SH2D5: variants seen among roughly 807,000 people sequenced by gnomAD.
SH2D5 encodes SH2 domain-containing protein 5.
SH2D5 carries 45 observed loss-of-function variants against 48.2 expected under a neutral mutation model. The ratio of observed to expected loss-of-function variants is 0.93; its 90% CI spans 0.73 to 1.20. SH2D5 has a LOEUF of 1.20. Among genes scored for constraint, SH2D5 ranks in the 50% most tolerant of loss-of-function variants. The probability of loss-of-function intolerance (pLI) is 0.00; values close to 1 mark genes in which losing one functional copy is unlikely to be tolerated. For synonymous variants in SH2D5, 230 were observed against 249.8 expected (o/e 0.92, Z 0.75); for missense variants, 538 against 584.1 (o/e 0.92, Z 0.81).
rs553038504 is a variant in SH2D5, at chr1:20,729,691, A to G, written c.-42-1605T>C. On this transcript the variant is annotated intron_variant, in intron 1 of 9. Transcript: ENST00000444387. This position sits in a 1 kb window ranked among gnomAD's most constrained non-coding sequence, Gnocchi z 4.2. ...GTCCCGGGTGTGCTCCCACTCAAGG[A>G]GGAGGGCTGGGGTGCTTTGGAACTG... Among the ~76,000 whole-genome samples, 2 of 151,776 alleles carry G rather than the reference A, an allele frequency of 1.3e-5. No homozygotes were observed. Among genetic ancestry groups the G allele is most frequent in the South Asian group, 2.1e-4 (1 of 4,818 alleles).
chr1:20,726,164 G>A (rs1178438336), intron 4 of SH2D5, 98 bp from the exon 5 acceptor site: 1 of 1,400,014 alleles, frequency 7.1e-7, no homozygotes, highest in East Asian at 2.5e-5. Flanking sequence ...CCTCCTTCCA[G>A]GCCCGCCCAG....
At chr1:20,730,032 G>C (rs1351924755) in intron 1 of SH2D5, among the ~76,000 whole-genome samples, 1 of 152,212 alleles carries the variant, frequency 6.6e-6, no homozygotes, top group Non-Finnish European at 1.5e-5. Flanking sequence ...ACATGACATT[G>C]CTTCCAGGTA....
chr1:20,727,429 C>G (rs1004657127), intron 3 of SH2D5, 94 bp downstream of exon 3: 2 of 1,242,488 alleles, frequency 1.6e-6, no homozygotes, highest in Admixed American at 2.0e-5. Context: ...TCCTGCCCCT[C>G]TCTAACTGTG....
chr1:20,727,204 G>C lies in SH2D5; in HGVS notation c.169-129C>G. Reference sequence around the variant, plus strand: ...ACCCCTGGCAGGGGGTGGGGCCCTGGCTGGTGGACCCCCCTGGCGCTGGGG... The same window carrying C: ...ACCCCTGGCAGGGGGTGGGGCCCTGCCTGGTGGACCCCCCTGGCGCTGGGG... On this transcript the variant is annotated intron_variant, in intron 3 of 9. Coordinates refer to ENST00000444387, the MANE Select transcript of SH2D5 (RefSeq NM_001103161.2). 2.6e-6 allele frequency: 2 copies of C among 776,000 alleles called. 1 individual carries two copies. Among genetic ancestry groups the C allele is most frequent in the Non-Finnish European group, 4.1e-6 (2 of 493,782 alleles). The allele number at this position is 776,000 out of a possible 1,614,324, so 48.1% of individuals were successfully genotyped here. A position where few individuals can be genotyped will look rare whatever the true frequency, so the allele number is the denominator to read the frequency against.
intron 2 of SH2D5, 118 bp downstream of exon 2, chr1:20,727,840 A>C (rs2054832270): frequency 1.0e-6 from 1 of 966,158 alleles, no homozygotes; most frequent in Non-Finnish European, 1.6e-6. Context: ...TCCCCAGCCC[A>C]AGTCAGGCAA....
At chr1:20,724,763 C>T in intron 5 of SH2D5, 128 bp from the exon 6 acceptor site, 1 of 1,181,782 alleles carries the variant, frequency 8.5e-7, no homozygotes, top group Middle Eastern at 2.9e-4. Flanking sequence ...TCCCATTCTT[C>T]CTGGGAAAGC....
chr1:20,722,673 T>G, intron 9 of SH2D5, 83 bp downstream of exon 9: 1 of 1,336,740 alleles, frequency 7.5e-7, no homozygotes, highest in Non-Finnish European at 9.8e-7. Context: ...ACCTCAGCAG[T>G]TAGAAAAGGG....
At chr1:20,724,875 G>A (rs899317944) in intron 5 of SH2D5, among the ~76,000 whole-genome samples, 12 of 152,328 alleles carry the variant, frequency 7.9e-5, no homozygotes, top group Admixed American at 5.9e-4. Flanking sequence ...CAGGCATCAC[G>A]CTTGGAGCAG....
rs927104859 is a variant in SH2D5 at position 20,729,175 on chromosome 1, G to T, written c.-42-1089C>A. Among the ~76,000 whole-genome samples the T allele has an allele frequency of 8.5e-5, 13 of 152,192 alleles. No homozygotes were observed. Among genetic ancestry groups the T allele is most frequent in the Non-Finnish European group, 1.8e-4 (12 of 68,046 alleles). ...CATGAGAGCCCAGGACACAGCTGGT[G>T]TTCAATTAATGTGGAATTAACATAT... On this transcript the variant is annotated intron_variant, in intron 1 of 9. Coordinates refer to ENST00000444387, the MANE Select transcript of SH2D5 (RefSeq NM_001103161.2). This position sits in a 1 kb window ranked among gnomAD's most constrained non-coding sequence, Gnocchi z 4.2.
intron 8 of SH2D5, among the ~76,000 whole-genome samples, chr1:20,723,411 C>G (rs1251603775): frequency 6.6e-6 from 1 of 152,190 alleles, no homozygotes; most frequent in Non-Finnish European, 1.5e-5. Context: ...CTCATTTGAC[C>G]CTCTCCACAG....
intron 5 of SH2D5, among the ~76,000 whole-genome samples, chr1:20,725,695 G>A (rs973078445): frequency 2.0e-4 from 31 of 152,202 alleles, no homozygotes; most frequent in Admixed American, 6.5e-4. Flanking sequence ...CTCTCTAAGC[G>A]CGTGGCCAGA....
chr1:20,723,980 C>T, intron 7 of SH2D5, 103 bp downstream of exon 7: 2 of 1,448,268 alleles, frequency 1.4e-6, no homozygotes, highest in South Asian at 1.3e-5. Context: ...GGTGCGGCCA[C>T]AGCCTTGCAG....
chr1:20,727,192 G>T, intron 3 of SH2D5, 117 bp from the exon 4 acceptor site: 2 of 877,030 alleles, frequency 2.3e-6, no homozygotes, highest in Non-Finnish European at 3.4e-6. Flanking sequence ...CCTGGCAGGG[G>T]GTGGGGCCCT....
rs1029437093 is a variant in SH2D5 at position 20,720,522 on chromosome 1, G to A, written c.*1270C>T. On this transcript the variant is annotated 3_prime_UTR_variant, in exon 10 of 10. Coordinates refer to ENST00000444387, the MANE Select transcript of SH2D5 (RefSeq NM_001103161.2). ...GTTCTGTCCCACTCCCAGACGGGGA[G>A]AGGGCAGCCCCCAGGCTCATGACGT... 6.6e-6 allele frequency: 1 copy of A among 152,298 alleles called. No homozygotes were observed. Among genetic ancestry groups the A allele is most frequent in the African/African-American group, 2.4e-5 (1 of 41,476 alleles). 9.4% of individuals were successfully genotyped at this position (152,298 alleles called of 1,614,324 possible).
intron 8 of SH2D5, among the ~76,000 whole-genome samples, chr1:20,723,297 A>G (rs2054725421): frequency 1.3e-5 from 2 of 152,232 alleles, no homozygotes; most frequent in Non-Finnish European, 1.5e-5. Flanking sequence ...AGAGTCTGTA[A>G]TTGTTAGCAA....
intron 5 of SH2D5, 133 bp from the exon 6 acceptor site, chr1:20,724,768 G>A (rs904978032): frequency 1.7e-6 from 2 of 1,167,422 alleles, no homozygotes; most frequent in African/African-American, 3.1e-5. Context: ...TTCTTCCTGG[G>A]AAAGCTCCTA....
Position 20,729,703 on chromosome 1 carries a change from G to T in SH2D5, c.-42-1617C>A, listed in dbSNP as rs1024943530. 2.0e-5 allele frequency among the ~76,000 whole-genome samples: 3 copies of T among 152,246 alleles called. No homozygotes were observed. In the East Asian group the frequency reaches 5.8e-4, roughly 30 times the overall value. ...CTCCCACTCAAGGAGGAGGGCTGGGGTGCTTTGGAACTGACTCTGTTAGCA... is the reference window on the plus strand; with the variant it reads ...CTCCCACTCAAGGAGGAGGGCTGGGTTGCTTTGGAACTGACTCTGTTAGCA... On this transcript the variant is annotated intron_variant, in intron 1 of 9. Transcript: ENST00000444387. This position sits in a 1 kb window ranked among gnomAD's most constrained non-coding sequence, Gnocchi z 4.2.
chr1:20,727,136 A>T, intron 3 of SH2D5, 61 bp from the exon 4 acceptor site: 1 of 1,438,174 alleles, frequency 7.0e-7, no homozygotes, highest in South Asian at 1.3e-5. Context: ...TGGCCTGCCC[A>T]GCCTCAGGAC....
rs773755588 is a variant in SH2D5 at position 20,720,856 on chromosome 1, C to G, written c.*936G>C. 3.9e-5 allele frequency: 6 copies of G among 152,252 alleles called. No homozygotes were observed. Among genetic ancestry groups the G allele is most frequent in the Non-Finnish European group, 5.9e-5 (4 of 68,084 alleles). The allele number at this position is 152,252 out of a possible 1,614,324, so 9.4% of individuals were successfully genotyped here. On this transcript the variant is annotated 3_prime_UTR_variant, in exon 10 of 10. Transcript: ENST00000444387. ...GTCAGGGCCATGCTAAGGGGAATGTCAGCATCGGACAGCCTCCCTCCCAAG... is the reference window on the plus strand; with the variant it reads ...GTCAGGGCCATGCTAAGGGGAATGTGAGCATCGGACAGCCTCCCTCCCAAG...
Sources: allele counts gnomAD v4.1 joint callset (sites outside exome capture counted in the v4.1 genomes callset), GRCh38; gene constraint gnomAD v4.1.1; non-coding constraint Gnocchi (gnomAD v3.1); transcripts MANE v1.5; gene names NCBI Gene and HGNC (gene_info 2026-07-23, HGNC 2026-07-21).